GRID2IP: variants seen among roughly 807,000 people sequenced by gnomAD.
The protein encoded by GRID2IP is Grid2 interacting protein, also known as delphilin.
Under a neutral mutation model 114.3 loss-of-function variants are expected in GRID2IP, and 78 were observed. The observed-to-expected ratio is 0.68, with a 90% CI of 0.57 to 0.82. The LOEUF (loss-of-function observed/expected upper bound fraction) is 0.82, where lower values mean the gene tolerates loss of function less well. Among genes scored for constraint, GRID2IP ranks in the 40% least tolerant of loss-of-function variants. The probability of loss-of-function intolerance (pLI) is 0.00; values close to 1 mark genes in which losing one functional copy is unlikely to be tolerated. For synonymous variants in GRID2IP, 809 were observed against 724.0 expected (o/e 1.12, Z -1.89); for missense variants, 1,727 against 1,678.5 (o/e 1.03, Z -0.51).
chr7:6,509,081 G>A lies in GRID2IP; in HGVS notation c.2004C>T (p.Phe668=). The A allele has an allele frequency of 1.7e-6, 2 of 1,196,562 alleles. No homozygotes were observed. Among genetic ancestry groups the A allele is most frequent in the Non-Finnish European group, 2.3e-6 (2 of 887,120 alleles). The allele number at this position is 1,196,562 out of a possible 1,614,324, so 74.1% of individuals were successfully genotyped here. A position where few individuals can be genotyped will look rare whatever the true frequency, so the allele number is the denominator to read the frequency against. The change falls in exon 12 of 22, where the codon TTC becomes TTT. Residue 668 remains phenylalanine (F), a synonymous_variant. Coordinates refer to ENST00000457091, the MANE Select transcript of GRID2IP (RefSeq NM_001145118.2). The surrounding 1 kb of genome is among the most constrained non-coding windows in gnomAD (Gnocchi z 4.9). ...GGCTTCGCACAGGGTGGGAGAAGGT[G>A]AAGAGCTTCCTGCGGCTGGGCGGGC... ...PTRPPSRRKL[F]TFSHPVRSRD...
rs1779523698 is a variant in GRID2IP at position 6,526,837 on chromosome 7, A to C, written c.585-68T>G. On this transcript the variant is annotated intron_variant, in intron 2 of 21. Transcript: ENST00000457091. The surrounding 1 kb of genome is among the most constrained non-coding windows in gnomAD (Gnocchi z 7.6). ...CGGATCTCTGCAAACCGCGGCCCGA[A>C]GGCGCGTCCTCGCGGGCGCCGCCCT... 7.2e-7 allele frequency: 1 copy of C among 1,396,022 alleles called. No individual in the cohort carries two copies. The highest frequency in any genetic ancestry group is 1.5e-5 in the African/African-American group (1 of 65,366). 86.5% of individuals were successfully genotyped at this position (1,396,022 alleles called of 1,614,324 possible).
chr7:6,500,337 A>T (rs1389339076), intron 20 of GRID2IP, among the ~76,000 whole-genome samples: 2 of 151,942 alleles, frequency 1.3e-5, no homozygotes, highest in Non-Finnish European at 2.9e-5. Context: ...GGTGGTGGGC[A>T]CCTGTAATCC....
chr7:6,545,902 G>A (rs1779880610), intron 1 of GRID2IP, among the ~76,000 whole-genome samples: 1 of 152,086 alleles, frequency 6.6e-6, no homozygotes, highest in Non-Finnish European at 1.5e-5. Context: ...ATCAAAGTCA[G>A]CAGCAACCTC....
chr7:6,508,215 G>C lies in GRID2IP; in HGVS notation c.2314C>G (p.Arg772Gly). The change falls in exon 13 of 22, where the codon CGC (arginine) becomes GGC (glycine). Residue 772 changes from arginine (R) to glycine (G), a missense_variant. Physicochemically the swap from Arg to Gly is moderately radical, Grantham distance 125. Transcript: ENST00000457091. The surrounding 1 kb of genome is among the most constrained non-coding windows in gnomAD (Gnocchi z 5.6). ...GGGCCCCGGGAACCATCAGAGCTGC[G>C]GGAGCTGGGCTTAGCGTCATGGAAA... ...LPFHDAKPSS[R>G]SSDGSRGPAQ... The C allele has an allele frequency of 6.6e-7, 1 of 1,522,776 alleles. No individual in the cohort carries two copies. The highest frequency in any genetic ancestry group is 8.8e-7 in the Non-Finnish European group (1 of 1,134,566). 94.3% of individuals were successfully genotyped at this position (1,522,776 alleles called of 1,614,324 possible).
rs999337439 is a variant in GRID2IP at position 6,526,818 on chromosome 7, T to C, written c.585-49A>G. On this transcript the variant is annotated intron_variant, in intron 2 of 21. Transcript: ENST00000457091. This position sits in a 1 kb window ranked among gnomAD's most constrained non-coding sequence, Gnocchi z 7.6. ...GGGGCGCGTTCCCGGACCCCGGATC[T>C]CTGCAAACCGCGGCCCGAAGGCGCG... is the stretch of plus-strand genomic sequence containing the variant. 3.1e-5 allele frequency: 45 copies of C among 1,437,416 alleles called. No individual in the cohort carries two copies. The highest frequency in any genetic ancestry group is 3.9e-5 in the Non-Finnish European group (43 of 1,096,748). 89.0% of individuals were successfully genotyped at this position (1,437,416 alleles called of 1,614,324 possible).
Position 6,509,125 on chromosome 7 carries a change from G to A in GRID2IP, c.1960C>T (p.Pro654Ser). 6.8e-7 allele frequency: 1 copy of A among 1,475,712 alleles called. No individual in the cohort carries two copies. Among genetic ancestry groups the A allele is most frequent in the Non-Finnish European group, 9.0e-7 (1 of 1,113,082 alleles). The allele number at this position is 1,475,712 out of a possible 1,614,324, so 91.4% of individuals were successfully genotyped here. Residue 654 changes from proline to serine, a missense_variant, in exon 12 of 22, where the codon CCA becomes TCA. Physicochemically the swap from Pro to Ser is moderately conservative, Grantham distance 74. Transcript: ENST00000457091. The surrounding 1 kb of genome is among the most constrained non-coding windows in gnomAD (Gnocchi z 4.9). Reference sequence around the variant, plus strand: ...GGCGGGCGGGTGGGGTCCGGGCTTGGGGGGCTGTCGGGGCAGATGGGCCCG... The same window carrying A: ...GGCGGGCGGGTGGGGTCCGGGCTTGAGGGGCTGTCGGGGCAGATGGGCCCG... ...GPGPICPDSP[P>S]SPDPTRPPSR...
chr7:6,526,286 T>C lies in GRID2IP; in HGVS notation c.857A>G (p.Asn286Ser). Residue 286 changes from asparagine to serine, a missense_variant, in exon 4 of 22, where the codon AAC (asparagine) becomes AGC (serine). Physicochemically the swap from Asn to Ser is conservative, Grantham distance 46. Transcript: ENST00000457091. This position sits in a 1 kb window ranked among gnomAD's most constrained non-coding sequence, Gnocchi z 7.6. The stretch of plus-strand genomic sequence containing the variant: ...GCGAAGTGTGAAGCCGAAGCTCTTG[T>C]TGCCTTTGTAGACTCGGACAGTCCT... ...ARRTVRVYKG[N>S]KSFGFTLRGH... 6.4e-7 allele frequency: 1 copy of C among 1,551,982 alleles called. No homozygotes were observed. Among genetic ancestry groups the C allele is most frequent in the Non-Finnish European group, 8.7e-7 (1 of 1,147,038 alleles).
chr7:6,518,205 G>A (rs1198255770), intron 7 of GRID2IP, among the ~76,000 whole-genome samples: 1 of 152,016 alleles, frequency 6.6e-6, no homozygotes, highest in Non-Finnish European at 1.5e-5. Context: ...ACTCCAGCTT[G>A]GGTGACAGAG....
intron 20 of GRID2IP, 29 bp from the exon 21 acceptor site, chr7:6,498,257 A>C (rs1786315361): frequency 6.6e-7 from 1 of 1,513,602 alleles, no homozygotes; most frequent in Admixed American, 2.3e-5. Flanking sequence ...GGAAACAGCC[A>C]GCCCGCTTGT....
At chr7:6,529,631 T>A (rs555079992) in intron 2 of GRID2IP, among the ~76,000 whole-genome samples, 1 of 152,288 alleles carries the variant, frequency 6.6e-6, no homozygotes, top group East Asian at 1.9e-4. Context: ...CAGCTCAGTC[T>A]GGCCCAGAGT....
intron 20 of GRID2IP, among the ~76,000 whole-genome samples, chr7:6,500,998 G>T (rs1786398549): frequency 1.3e-5 from 2 of 152,160 alleles, no homozygotes; most frequent in Admixed American, 1.3e-4. Flanking sequence ...GTGGCTTTGG[G>T]GCACTCAAAA....
chr7:6,519,204 C>G lies in GRID2IP; in HGVS notation c.1268+1374G>C, dbSNP rs924986988. On this transcript the variant is annotated intron_variant, in intron 7 of 21. Transcript: ENST00000457091. The surrounding 1 kb of genome is among the most constrained non-coding windows in gnomAD (Gnocchi z 4.1). ...AGTGCTGGGATTATAGGTGTCTGGC[C>G]TGGGTTTCTTTTTGATGTGATGAAG... is the stretch of plus-strand genomic sequence containing the variant. 3.9e-5 allele frequency among the ~76,000 whole-genome samples: 6 copies of G among 152,032 alleles called. No homozygotes were observed. The highest frequency in any genetic ancestry group is 1.5e-5 in the Non-Finnish European group (1 of 68,004).
intron 4 of GRID2IP, among the ~76,000 whole-genome samples, chr7:6,522,933 G>A (rs1216735503): frequency 1.3e-5 from 2 of 151,954 alleles, no homozygotes; most frequent in African/African-American, 2.4e-5. Context: ...CCAAAATGCT[G>A]GGATTACAGA....
chr7:6,515,598 T>TAA (rs1779279969), intron 7 of GRID2IP, among the ~76,000 whole-genome samples: 1 of 151,610 alleles, frequency 6.6e-6, no homozygotes, highest in South Asian at 2.1e-4. Flanking sequence ...GCCAACATGG[T>TAA]AAACCCTGTT....
Position 6,516,882 on chromosome 7 carries a change from T to C in GRID2IP, c.1269-2353A>G, listed in dbSNP as rs1177942055. On this transcript the variant is annotated intron_variant, in intron 7 of 21. Transcript: ENST00000457091. The surrounding 1 kb of genome is among the most constrained non-coding windows in gnomAD (Gnocchi z 4.3). Reference sequence around the variant, plus strand: ...CTGTCTGGCGGACACGTGACTCACATGACCTTACCTATCATTGGAGATGAC... The same window carrying C: ...CTGTCTGGCGGACACGTGACTCACACGACCTTACCTATCATTGGAGATGAC... Among the ~76,000 whole-genome samples, 1 of 152,126 alleles carries C rather than the reference T, an allele frequency of 6.6e-6. No individual in the cohort carries two copies. The highest frequency in any genetic ancestry group is 2.1e-4 in the South Asian group (1 of 4,830).
Position 6,510,392 on chromosome 7 carries a change from G to T in GRID2IP, c.1662C>A (p.Ala554=). ...PETPNPKMMS[A]VYAELESRLN... Reference sequence around the variant, plus strand: ...GTCGAGACTCAAGCTCTGCATAGACGGCTGACATCTGGAGGGAGACGGGGG... The same window carrying T: ...GTCGAGACTCAAGCTCTGCATAGACTGCTGACATCTGGAGGGAGACGGGGG... Residue 554 remains alanine, a synonymous_variant, in exon 11 of 22, where the codon GCC becomes GCA. Coordinates refer to ENST00000457091, the MANE Select transcript of GRID2IP (RefSeq NM_001145118.2). The T allele has an allele frequency of 6.5e-7, 1 of 1,530,140 alleles. No homozygotes were observed. Among genetic ancestry groups the T allele is most frequent in the Non-Finnish European group, 8.8e-7 (1 of 1,135,452 alleles). The allele number at this position is 1,530,140 out of a possible 1,614,324, so 94.8% of individuals were successfully genotyped here. A position where few individuals can be genotyped will look rare whatever the true frequency, so the allele number is the denominator to read the frequency against.
chr7:6,522,497 G>A (rs1779430794), intron 4 of GRID2IP, among the ~76,000 whole-genome samples: 1 of 150,580 alleles, frequency 6.6e-6, no homozygotes, highest in East Asian at 1.9e-4. Context: ...ATTATTTTCT[G>A]TATTTTTTTT....
In GRID2IP at chr7:6,503,603, G is replaced by C; in HGVS notation, c.2795C>G (p.Ala932Gly). The C allele has an allele frequency of 1.3e-6, 2 of 1,529,406 alleles. No individual in the cohort carries two copies. The highest frequency in any genetic ancestry group is 1.7e-6 in the Non-Finnish European group (2 of 1,144,498). 94.7% of individuals were successfully genotyped at this position (1,529,406 alleles called of 1,614,324 possible). A position where few individuals can be genotyped will look rare whatever the true frequency, so the allele number is the denominator to read the frequency against. ...GAAGAGCAGCAGCTGCGCGAGATGT[G>C]CGGGCTCCAGGCGCCGGGGCTCCAT... ...MSMEPRRLEPAHLAQLLLFAP... is the reference protein window; with the variant it reads ...MSMEPRRLEPGHLAQLLLFAP... The change falls in exon 16 of 22, where the codon GCA (alanine) becomes GGA (glycine). Residue 932 changes from alanine to glycine, a missense_variant. Transcript: ENST00000457091.
intron 2 of GRID2IP, among the ~76,000 whole-genome samples, chr7:6,527,550 G>A (rs1779538690): frequency 6.6e-6 from 1 of 152,112 alleles, no homozygotes; most frequent in Non-Finnish European, 1.5e-5. Context: ...AAGGCCCGTG[G>A]GTCTCCGCTG....
Sources: gnomAD v4.1 joint callset for allele counts (sites outside exome capture counted in the v4.1 genomes callset) on GRCh38, gnomAD v4.1.1 for gene constraint, Gnocchi (gnomAD v3.1) non-coding constraint, MANE v1.5 for transcripts, NCBI Gene and HGNC (gene_info 2026-07-23, HGNC 2026-07-21) for gene names.